MEP1A: variants seen among roughly 807,000 people sequenced by gnomAD.
MEP1A encodes N-benzoyl-L-tyrosyl-P-amino-benzoic acid hydrolase subunit alpha.
Under a neutral mutation model 84.5 loss-of-function variants are expected in MEP1A, and 68 were observed. That is an observed-to-expected ratio of 0.80 (90% CI 0.66 to 0.98). MEP1A has a LOEUF of 0.98. Ranked by LOEUF, MEP1A falls within the 50% of genes least tolerant of loss-of-function variation. MEP1A has a pLI of 0.00. For missense variants in MEP1A, 887 were observed against 919.9 expected (o/e 0.96, Z 0.46); for synonymous variants, 337 against 336.8 (o/e 1.00, Z -0.01).
chr6:46,816,374 G>C (rs901314648), intron 6 of MEP1A, among the ~76,000 whole-genome samples: 6 of 152,164 alleles, frequency 3.9e-5, no homozygotes, highest in Non-Finnish European at 5.9e-5. Flanking sequence ...ACAGTTACCA[G>C]GTGGGGGTGG....
At chr6:46,828,148 A>G (rs902950027) in intron 9 of MEP1A, among the ~76,000 whole-genome samples, 6 of 151,978 alleles carry the variant, frequency 3.9e-5, no homozygotes, top group African/African-American at 1.4e-4. Context: ...GGCTTGAATT[A>G]TTTGACTCTC....
intron 10 of MEP1A, 68 bp from the exon 11 acceptor site, chr6:46,833,006 C>T: frequency 1.1e-6 from 1 of 890,094 alleles, no homozygotes; most frequent in East Asian, 2.4e-5. Context: ...TGGCACTGTG[C>T]CAAACTCATA....
intron 6 of MEP1A, among the ~76,000 whole-genome samples, chr6:46,810,936 G>T (rs1416107856): frequency 2.0e-5 from 3 of 152,064 alleles, no homozygotes; most frequent in Non-Finnish European, 2.9e-5. Flanking sequence ...ACTTAGTCTT[G>T]TGTTGGCTAT....
intron 3 of MEP1A, among the ~76,000 whole-genome samples, chr6:46,795,805 A>G (rs1767037562): frequency 6.6e-6 from 1 of 152,102 alleles, no homozygotes; most frequent in African/African-American, 2.4e-5. Flanking sequence ...CTCTGCTCCA[A>G]CCATCTAATG....
rs555782395 is a variant in MEP1A, at chr6:46,807,532, G to T, written c.263-1888G>T. Among the ~76,000 whole-genome samples, 162 of 34,416 alleles carry T rather than the reference G, an allele frequency of 4.7e-3. 3 individuals are homozygous for T. Among genetic ancestry groups the T allele is most frequent in the African/African-American group, 0.024 (143 of 6,080 alleles). The allele number at this position is 34,416 out of a possible 152,430, so 22.6% of individuals were successfully genotyped here. A position where few individuals can be genotyped will look rare whatever the true frequency, so the allele number is the denominator to read the frequency against. ...TGAAATAAAGAAAGAAAGAAAGAAAGAAAGAAAGAAAGAAAGAAAGAAAGA... is the reference window on the plus strand; with the variant it reads ...TGAAATAAAGAAAGAAAGAAAGAAATAAAGAAAGAAAGAAAGAAAGAAAGA... On this transcript the variant is annotated intron_variant, in intron 5 of 13. Transcript: ENST00000230588.
At chr6:46,797,271 A>G (rs1209046890) in intron 3 of MEP1A, among the ~76,000 whole-genome samples, 1 of 152,192 alleles carries the variant, frequency 6.6e-6, no homozygotes, top group Non-Finnish European at 1.5e-5. Context: ...AATGAAGTAC[A>G]ATCCAGTGAT....
At chr6:46,823,727 A>G (rs1562112814) in intron 7 of MEP1A, among the ~76,000 whole-genome samples, 1 of 152,202 alleles carries the variant, frequency 6.6e-6, no homozygotes, top group East Asian at 1.9e-4. Context: ...CAGTTTTCCT[A>G]TCACTCCACA....
Position 46,833,304 on chromosome 6 carries a change from T to G in MEP1A, c.1375T>G (p.Phe459Val). ...SKGDKLQSPR[F>V]YNSEGYGFGV... is the part of the protein sequence containing the mutation. Reference sequence around the variant, plus strand: ...AGGGGACAAGCTTCAGAGCCCTCGATTCTACAATTCGGAGGGATATGGTTT... The same window carrying G: ...AGGGGACAAGCTTCAGAGCCCTCGAGTCTACAATTCGGAGGGATATGGTTT... The change falls in exon 11 of 14, where the codon TTC (phenylalanine) becomes GTC (valine). Residue 459 changes from phenylalanine (F) to valine (V), a missense_variant. By Grantham distance (50) the Phe-to-Val change is conservative. Transcript: ENST00000230588. The G allele has an allele frequency of 6.2e-7, 1 of 1,614,208 alleles. No individual in the cohort carries two copies. Among genetic ancestry groups the G allele is most frequent in the Non-Finnish European group, 8.5e-7 (1 of 1,180,026 alleles).
In MEP1A at chr6:46,826,517, G is replaced by A. The variant is rs543554025; in HGVS notation, c.928+14G>A. On this transcript the variant is annotated intron_variant, in intron 9 of 13. Coordinates refer to ENST00000230588, the MANE Select transcript of MEP1A (RefSeq NM_005588.3). ...GACAATGCACAGGTCAGTGAAAGTG[G>A]AAAGCAAACACATTGATGTGGTTCA... The A allele has an allele frequency of 8.7e-5, 131 of 1,497,730 alleles. No homozygotes were observed. The highest frequency in any genetic ancestry group is 3.5e-4 in the Middle Eastern group (2 of 5,708). 92.8% of individuals were successfully genotyped at this position (1,497,730 alleles called of 1,614,324 possible). A position where few individuals can be genotyped will look rare whatever the true frequency, so the allele number is the denominator to read the frequency against.
intron 12 of MEP1A, 81 bp from the exon 13 acceptor site, chr6:46,835,168 G>T: frequency 7.8e-7 from 1 of 1,278,540 alleles, no homozygotes; most frequent in South Asian, 1.4e-5. Flanking sequence ...AAGCAGGCTG[G>T]GGAACTTTCA....
chr6:46,842,721 T>C (rs1768355316), downstream of MEP1A, among the ~76,000 whole-genome samples: 1 of 152,200 alleles, frequency 6.6e-6, no homozygotes, highest in African/African-American at 2.4e-5. Flanking sequence ...CTGCTCCTTG[T>C]TTGTATACCC....
Position 46,825,483 on chromosome 6 carries a change from G to A in MEP1A, c.768G>A (p.Met256Ile), listed in dbSNP as rs773102061. 7 of 1,609,228 alleles carry A rather than the reference G, an allele frequency of 4.3e-6. No homozygotes were observed. The highest frequency in any genetic ancestry group is 1.1e-5 in the South Asian group (1 of 90,694). ...TTGATTTAGAGAGGCTGAACCGAAT[G>A]TACAATTGCAGTGAGTATCTCAGTT... Reference protein sequence around the residue: ...SAIDLERLNRMYNCTTTHTLL... With the variant: ...SAIDLERLNRIYNCTTTHTLL... Residue 256 changes from methionine to isoleucine, a missense_variant, in exon 8 of 14, where the codon ATG becomes ATA. By Grantham distance (10) the Met-to-Ile change is conservative. Coordinates refer to ENST00000230588, the MANE Select transcript of MEP1A (RefSeq NM_005588.3).
intron 5 of MEP1A, among the ~76,000 whole-genome samples, chr6:46,801,651 T>TA (rs762747538): frequency 3.4e-4 from 52 of 152,228 alleles, no homozygotes; most frequent in Admixed American, 1.2e-3. Context: ...TTTTTTAACT[T>TA]ATGGTTTGTG....
At chr6:46,815,390 C>T (rs1008301186) in intron 6 of MEP1A, among the ~76,000 whole-genome samples, 4 of 152,182 alleles carry the variant, frequency 2.6e-5, no homozygotes, top group African/African-American at 9.7e-5. Flanking sequence ...CAGCCACAGG[C>T]CTCACCCTGC....
At chr6:46,810,332 A>C (rs1757570990) in intron 6 of MEP1A, among the ~76,000 whole-genome samples, 1 of 151,460 alleles carries the variant, frequency 6.6e-6, no homozygotes, top group South Asian at 2.1e-4. Flanking sequence ...TTTTCTTGCT[A>C]ATTTGTTTGG....
At chr6:46,822,389 G>A (rs1227698344) in intron 7 of MEP1A, among the ~76,000 whole-genome samples, 1 of 152,050 alleles carries the variant, frequency 6.6e-6, no homozygotes, top group Non-Finnish European at 1.5e-5. Context: ...ACTGTTGGGG[G>A]CACTACCAAC....
chr6:46,794,583 A>G (rs1347914383), intron 3 of MEP1A, among the ~76,000 whole-genome samples: 1 of 152,188 alleles, frequency 6.6e-6, no homozygotes, highest in East Asian at 1.9e-4. Flanking sequence ...ACATACCAAT[A>G]ACTAAGGGTC....
chr6:46,807,570 AAGG>A (rs57312312), intron 5 of MEP1A, among the ~76,000 whole-genome samples: 612 of 49,078 alleles, frequency 0.012, no homozygotes, highest in Non-Finnish European at 0.016. Flanking sequence ...GAAAGAAAGG[AAGG>A]AAGGAAGGAA....
chr6:46,798,644 C>A lies in MEP1A; in HGVS notation c.184C>A (p.Gln62Lys). The change falls in exon 4 of 14, where the codon CAG becomes AAG. Residue 62 changes from glutamine (Q) to lysine (K), a missense_variant and splice_region_variant. Physicochemically the swap from Gln to Lys is moderately conservative, Grantham distance 53. Transcript: ENST00000230588. Reference protein sequence around the residue: ...LDLFQGDILLQKSRNGLRDPN... With the variant: ...LDLFQGDILLKKSRNGLRDPN... ...CCTCTTTCAAGGGGACATCCTCTTG[C>A]AGGTGAGTACCTGTCAATGATGCAA... 1 of 1,613,480 alleles carries A rather than the reference C, an allele frequency of 6.2e-7. No individual in the cohort carries two copies. The highest frequency in any genetic ancestry group is 1.3e-5 in the African/African-American group (1 of 75,028).
Sources: allele counts gnomAD v4.1 joint callset (sites outside exome capture counted in the v4.1 genomes callset), GRCh38; gene constraint gnomAD v4.1.1; transcripts MANE v1.5; gene names NCBI Gene and HGNC (gene_info 2026-07-23, HGNC 2026-07-21).